ROR2: variants seen among roughly 807,000 people sequenced by gnomAD.
The protein encoded by ROR2 is ROR family WNT receptor 2, also known as tyrosine-protein kinase transmembrane receptor ROR2.
ROR2 carries 33 observed loss-of-function variants against 74.9 expected under a neutral mutation model. That is an observed-to-expected ratio of 0.44 (90% CI 0.33 to 0.59). The LOEUF (loss-of-function observed/expected upper bound fraction) is 0.59. Among genes scored for constraint, ROR2 ranks in the 20% least tolerant of loss-of-function variants. The probability of loss-of-function intolerance (pLI) is 0.02; values close to 1 mark genes in which losing one functional copy is unlikely to be tolerated. For missense variants in ROR2, 1,216 were observed against 1,313.8 expected, an observed-to-expected ratio of 0.93 and a Z score of 1.15; for synonymous variants, 586 against 558.7, an observed-to-expected ratio of 1.05 and a Z score of -0.69.
intron 1 of ROR2, among the ~76,000 whole-genome samples, chr9:91,901,851 A>C (rs950296709): frequency 1.3e-5 from 2 of 152,042 alleles, no homozygotes; most frequent in Non-Finnish European, 2.9e-5. Flanking sequence ...AAAAATAAAA[A>C]GGAGCTTTGT....
At chr9:91,945,175 T>C (rs115991164) in intron 1 of ROR2, among the ~76,000 whole-genome samples, 1,609 of 152,312 alleles carry the variant, frequency 0.011, 25 homozygotes, top group African/African-American at 0.037. Flanking sequence ...TAGCAATTTG[T>C]GGCTACTGAC....
At chr9:91,769,898 C>T (rs768428887) in intron 2 of ROR2, among the ~76,000 whole-genome samples, 5 of 152,284 alleles carry the variant, frequency 3.3e-5, no homozygotes, top group South Asian at 4.1e-4. Context: ...AGACTCTGAG[C>T]GCCCAGCATG....
intron 1 of ROR2, among the ~76,000 whole-genome samples, chr9:91,860,051 G>A (rs1416677461): frequency 1.3e-5 from 2 of 152,180 alleles, no homozygotes; most frequent in African/African-American, 4.8e-5. Flanking sequence ...CTCTTGGGGA[G>A]GCGAGTGGGG....
Position 91,722,803 on chromosome 9 carries a change from TAA to T in ROR2, c.*857_*858del. The T allele has an allele frequency of 1.7e-6, 1 of 585,760 alleles. No homozygotes were observed. Among genetic ancestry groups the T allele is most frequent in the Non-Finnish European group, 3.1e-6 (1 of 326,940 alleles). The allele number at this position is 585,760 out of a possible 1,614,324, so 36.3% of individuals were successfully genotyped here. On this transcript the variant is annotated 3_prime_UTR_variant, in exon 9 of 9. Transcript: ENST00000375708. ...TGGGTAACATAAACAGTTAAATTAC[TAA>T]AGTCATCTTAAGACCAAAATACTTC...
chr9:91,840,649 C>G (rs542976393), intron 1 of ROR2, among the ~76,000 whole-genome samples: 1 of 152,350 alleles, frequency 6.6e-6, no homozygotes, highest in African/African-American at 2.4e-5. Flanking sequence ...AGTATCTGCC[C>G]AGCGCACAGG....
intron 7 of ROR2, among the ~76,000 whole-genome samples, chr9:91,727,018 G>A (rs964014461): frequency 6.6e-6 from 1 of 152,156 alleles, no homozygotes; most frequent in African/African-American, 2.4e-5. Flanking sequence ...GAATTCTAAT[G>A]ATCTTAATAA....
intron 1 of ROR2, among the ~76,000 whole-genome samples, chr9:91,904,420 T>C (rs978314253): frequency 2.0e-5 from 3 of 152,130 alleles, no homozygotes; most frequent in African/African-American, 7.2e-5. Context: ...GCGGGCTCAG[T>C]CCATAAAGGG....
chr9:91,889,059 T>C (rs1830358398), intron 1 of ROR2, among the ~76,000 whole-genome samples: 1 of 152,138 alleles, frequency 6.6e-6, no homozygotes, highest in South Asian at 2.1e-4. Flanking sequence ...GACCGTGTAA[T>C]AAAATAGAGA....
intron 4 of ROR2, among the ~76,000 whole-genome samples, chr9:91,753,727 C>A (rs1160057315): frequency 6.6e-6 from 1 of 152,134 alleles, no homozygotes; most frequent in Non-Finnish European, 1.5e-5. Flanking sequence ...AAGAGAGCAT[C>A]TGGAAACCTC....
intron 1 of ROR2, among the ~76,000 whole-genome samples, chr9:91,919,857 G>C (rs1167218583): frequency 6.6e-6 from 1 of 152,172 alleles, no homozygotes; most frequent in East Asian, 1.9e-4. Context: ...TCAACCACTG[G>C]GGTGGACTCG....
chr9:91,930,593 C>T (rs1022135026), intron 1 of ROR2, among the ~76,000 whole-genome samples: 3 of 152,208 alleles, frequency 2.0e-5, no homozygotes, highest in African/African-American at 7.2e-5. Context: ...TTCTTTGCAG[C>T]ACTGGGCACT....
chr9:91,896,236 C>A (rs369272873), intron 1 of ROR2, among the ~76,000 whole-genome samples: 2 of 152,314 alleles, frequency 1.3e-5, no homozygotes, highest in East Asian at 3.9e-4. Flanking sequence ...CCTTAGACTG[C>A]GTGTCCTTCC....
chr9:91,872,230 TA>T (rs1462187195), intron 1 of ROR2, among the ~76,000 whole-genome samples: 2 of 152,346 alleles, frequency 1.3e-5, no homozygotes, highest in African/African-American at 4.8e-5. Context: ...TGGTATGATA[TA>T]ACCTGAGTTT....
intron 4 of ROR2, among the ~76,000 whole-genome samples, chr9:91,746,573 G>T (rs987792393): frequency 6.6e-6 from 1 of 152,044 alleles, no homozygotes; most frequent in African/African-American, 2.4e-5. Context: ...CGGTGCCTTC[G>T]AATCATCCAC....
At chr9:91,818,631 ACT>A (rs1210353086) in intron 1 of ROR2, among the ~76,000 whole-genome samples, 1 of 152,118 alleles carries the variant, frequency 6.6e-6, no homozygotes, top group African/African-American at 2.4e-5. Flanking sequence ...AGTCCCTGGG[ACT>A]CTCTAGAAGA....
intron 1 of ROR2, among the ~76,000 whole-genome samples, chr9:91,867,699 T>A (rs1829678712): frequency 6.6e-6 from 1 of 151,164 alleles, no homozygotes; most frequent in African/African-American, 2.4e-5. Context: ...TGTGTGTGTG[T>A]GTATCTGACC....
intron 4 of ROR2, among the ~76,000 whole-genome samples, chr9:91,742,320 T>C (rs1009728165): frequency 5.3e-5 from 8 of 152,192 alleles, no homozygotes; most frequent in Admixed American, 1.3e-4. Flanking sequence ...TACCTCCCCC[T>C]GGATCCCTCC....
At chr9:91,777,824 T>G (rs1348484114) in intron 1 of ROR2, among the ~76,000 whole-genome samples, 1 of 152,152 alleles carries the variant, frequency 6.6e-6, no homozygotes, top group Admixed American at 6.5e-5. Flanking sequence ...AGCATCAATT[T>G]TATAATTATA....
intron 1 of ROR2, among the ~76,000 whole-genome samples, chr9:91,825,064 T>A (rs1304905273): frequency 6.6e-6 from 1 of 152,170 alleles, no homozygotes; most frequent in Non-Finnish European, 1.5e-5. Context: ...AGTAAGCCAA[T>A]GACAAATAAC....
Sources: gnomAD v4.1 joint callset for allele counts (sites outside exome capture counted in the v4.1 genomes callset) on GRCh38, gnomAD v4.1.1 for gene constraint, MANE v1.5 for transcripts, NCBI Gene and HGNC (gene_info 2026-07-23, HGNC 2026-07-21) for gene names.